The following UBR3 variants were observed in gnomAD, a reference collection of about 807,000 sequenced individuals.
UBR3 encodes the protein E3 ubiquitin-protein ligase UBR3.
Under a neutral mutation model 243.2 loss-of-function variants are expected in UBR3, and 85 were observed. That is an observed-to-expected ratio of 0.35 (90% CI 0.29 to 0.42). The LOEUF (loss-of-function observed/expected upper bound fraction) is 0.42, where lower values mean the gene tolerates loss of function less well. Among genes scored for constraint, UBR3 ranks in the 10% least tolerant of loss-of-function variants. The pLI, the probability that UBR3 is intolerant of heterozygous loss-of-function variation, is 1.00. For missense variants in UBR3, 1,686 were observed against 2,300.8 expected, an observed-to-expected ratio of 0.73 and a Z score of 5.47; for synonymous variants, 748 against 799.8, an observed-to-expected ratio of 0.94 and a Z score of 1.09.
At chr2:169,917,648 AAAG>A (rs1382517237) in intron 11 of UBR3, among the ~76,000 whole-genome samples, 1 of 151,566 alleles carries the variant, frequency 6.6e-6, no homozygotes, top group Non-Finnish European at 1.5e-5. Context: ...TGGATTCTTA[AAAG>A]AAGAGAAATT....
chr2:169,865,957 C>A (rs555212184), intron 1 of UBR3, among the ~76,000 whole-genome samples: 1 of 152,034 alleles, frequency 6.6e-6, no homozygotes, highest in South Asian at 2.1e-4. Flanking sequence ...CGGGACCAAC[C>A]TGGCCAACAT....
intron 1 of UBR3, among the ~76,000 whole-genome samples, chr2:169,858,444 A>T (rs2082967405): frequency 6.6e-6 from 1 of 152,112 alleles, no homozygotes; most frequent in African/African-American, 2.4e-5. Context: ...TGGCCTCCCA[A>T]GTAGCTGGGA....
intron 1 of UBR3, among the ~76,000 whole-genome samples, chr2:169,871,509 C>T (rs62170275): frequency 1.3e-4 from 19 of 151,798 alleles, no homozygotes; most frequent in Admixed American, 1.2e-3. Flanking sequence ...CTCACGGGGC[C>T]GAGGCGGGCG....
chr2:170,054,813 ATT>A (rs578176937), intron 32 of UBR3, among the ~76,000 whole-genome samples: 68 of 152,312 alleles, frequency 4.5e-4, no homozygotes, highest in Non-Finnish European at 6.9e-4. Flanking sequence ...AAACGTTGTT[ATT>A]GAGCATGTGA....
At chr2:169,949,518 C>A (rs1363550256) in intron 22 of UBR3, 87 bp from the exon 23 acceptor site, 10 of 1,217,682 alleles carry the variant, frequency 8.2e-6, no homozygotes, top group Non-Finnish European at 1.1e-5. Flanking sequence ...TGAGCATTCC[C>A]TTTAGAAAAT....
intron 30 of UBR3, among the ~76,000 whole-genome samples, chr2:170,020,920 C>T (rs922544895): frequency 2.6e-5 from 4 of 152,236 alleles, no homozygotes; most frequent in East Asian, 3.9e-4. Context: ...AGGAAATCTC[C>T]TAGTCTAAAT....
chr2:169,978,648 CTCTGTGATCCCAGGT>C (rs1559152891), intron 24 of UBR3, among the ~76,000 whole-genome samples: 1 of 151,984 alleles, frequency 6.6e-6, no homozygotes, highest in African/African-American at 2.4e-5. Flanking sequence ...GTATCCCAGA[CTCTGTGATCCCAGGT>C]GCAGTGTCAG....
At chr2:169,850,822 C>T (rs1181950999) in intron 1 of UBR3, among the ~76,000 whole-genome samples, 2 of 146,834 alleles carry the variant, frequency 1.4e-5, no homozygotes, top group South Asian at 2.1e-4. Context: ...CCAGCCTGGG[C>T]GACAGAGAGA....
intron 25 of UBR3, among the ~76,000 whole-genome samples, chr2:169,989,535 C>A (rs926445469): frequency 6.6e-6 from 1 of 152,140 alleles, no homozygotes; most frequent in African/African-American, 2.4e-5. Context: ...CTAAATCCAT[C>A]AGTTGATCAG....
At chr2:170,071,178 T>C (rs1222740459) in intron 35 of UBR3, among the ~76,000 whole-genome samples, 5 of 152,176 alleles carry the variant, frequency 3.3e-5, no homozygotes, top group African/African-American at 4.8e-5. Flanking sequence ...TTTTTAAAAA[T>C]ATTAAGCATA....
chr2:169,966,879 G>GT (rs1426425100), intron 24 of UBR3, among the ~76,000 whole-genome samples: 6 of 150,918 alleles, frequency 4.0e-5, no homozygotes, highest in South Asian at 2.1e-4. Context: ...ACTGTGTAGG[G>GT]TTTTTTTTTC....
At chr2:170,075,052 C>A (rs373325640) in intron 36 of UBR3, among the ~76,000 whole-genome samples, 7 of 152,080 alleles carry the variant, frequency 4.6e-5, no homozygotes, top group African/African-American at 1.7e-4. Flanking sequence ...ATTAATATTT[C>A]AGATGAATGT....
At position 169,897,721 on chromosome 2, in the gene UBR3, G is replaced by A. The variant is rs144372191; in HGVS notation, c.1465+986G>A. ...TTGCCATGGTGCCCAGGCTAGTCTT[G>A]AACTCCTGACCTCAGGTGATCCCCC... is the stretch of plus-strand genomic sequence containing the variant. On this transcript the variant is annotated intron_variant, in intron 8 of 38. Transcript: ENST00000272793. Among the ~76,000 whole-genome samples, 561 of 152,140 alleles carry A rather than the reference G, an allele frequency of 3.7e-3. 2 individuals are homozygous for A. The highest frequency in any genetic ancestry group is 0.013 in the African/African-American group (526 of 41,538).
intron 1 of UBR3, among the ~76,000 whole-genome samples, chr2:169,840,484 T>C (rs961497661): frequency 6.6e-6 from 1 of 152,218 alleles, no homozygotes; most frequent in African/African-American, 2.4e-5. Flanking sequence ...TCTCACCGGT[T>C]GGAATCAGGT....
At chr2:169,913,775 T>G (rs1037979399) in intron 10 of UBR3, among the ~76,000 whole-genome samples, 1 of 150,750 alleles carries the variant, frequency 6.6e-6, no homozygotes, top group African/African-American at 2.4e-5. Flanking sequence ...TTGGGGGGGG[T>G]GTCTCTTGAA....
intron 31 of UBR3, among the ~76,000 whole-genome samples, chr2:170,035,470 A>G (rs1559206170): frequency 6.6e-6 from 1 of 151,926 alleles, no homozygotes; most frequent in South Asian, 2.1e-4. Context: ...TCAGTTGACT[A>G]TAATTATGTG....
intron 22 of UBR3, among the ~76,000 whole-genome samples, chr2:169,948,871 G>C (rs185072830): frequency 1.3e-5 from 2 of 151,588 alleles, no homozygotes; most frequent in African/African-American, 2.4e-5. Context: ...TAGCAAAAAA[G>C]CTTTTTAGGA....
At chr2:170,080,367 C>T in intron 37 of UBR3, 178 bp from the exon 38 acceptor site, 1 of 748,324 alleles carries the variant, frequency 1.3e-6, no homozygotes, top group East Asian at 2.8e-5. Flanking sequence ...TATTCCTTAC[C>T]CAAATACCTC....
At chr2:170,068,241 C>T (rs989100462) in intron 35 of UBR3, among the ~76,000 whole-genome samples, 14 of 152,004 alleles carry the variant, frequency 9.2e-5, no homozygotes, top group African/African-American at 2.4e-4. Flanking sequence ...GAGGCCAAGG[C>T]GGGCAGATCA....
Sources: allele counts gnomAD v4.1 joint callset (sites outside exome capture counted in the v4.1 genomes callset), GRCh38; gene constraint gnomAD v4.1.1; transcripts MANE v1.5; gene names NCBI Gene and HGNC (gene_info 2026-07-23, HGNC 2026-07-21).